NUP155: variants seen among roughly 807,000 people sequenced by gnomAD.
NUP155 encodes nuclear pore complex protein Nup155.
A neutral mutation model predicts 180.4 loss-of-function variants in NUP155; 71 were observed. That is an observed-to-expected ratio of 0.39 (90% CI 0.33 to 0.48). The LOEUF is 0.48. Ranked by LOEUF, NUP155 falls within the 20% of genes least tolerant of loss-of-function variation. The probability of loss-of-function intolerance (pLI) is 0.91; values close to 1 mark genes in which losing one functional copy is unlikely to be tolerated. For synonymous variants in NUP155, 582 were observed against 559.5 expected, an observed-to-expected ratio of 1.04 and a Z score of -0.57; for missense variants, 1,553 against 1,648.9, an observed-to-expected ratio of 0.94 and a Z score of 1.01.
chr5:37,310,554 T>C lies in NUP155; in HGVS notation c.2626A>G (p.Lys876Glu). The change falls in exon 23 of 35, where the codon AAG (lysine) becomes GAG (glutamate). Residue 876 changes from lysine to glutamate, a missense_variant and splice_region_variant. Physicochemically the swap from Lys to Glu is moderately conservative, Grantham distance 56. Transcript: ENST00000231498. The stretch of plus-strand genomic sequence containing the variant: ...AAATAGGTAATAAAGTATCATACCT[T>C]AGAACAAATTGCATCATCAGTGCTA... The part of the protein sequence containing the change: ...LYSTDDAICS[K>E]ANELLQRSRQ... The C allele has an allele frequency of 6.2e-7, 1 of 1,611,132 alleles. No homozygotes were observed. The highest frequency in any genetic ancestry group is 1.1e-5 in the South Asian group (1 of 90,976).
chr5:37,342,798 G>A (rs1745818221), intron 9 of NUP155, 152 bp from the exon 10 acceptor site: 3 of 615,212 alleles, frequency 4.9e-6, no homozygotes, highest in Admixed American at 2.4e-5. Context: ...GGAGAGTGGC[G>A]TGATCTCGGC....
intron 20 of NUP155, 27 bp downstream of exon 20, chr5:37,323,965 G>A (rs1231024166): frequency 7.1e-7 from 1 of 1,410,550 alleles, no homozygotes; most frequent in African/African-American, 1.4e-5. Flanking sequence ...AGAAAAAGAT[G>A]AATTAATAAA....
At chr5:37,336,003 C>T (rs1306249933) in intron 12 of NUP155, among the ~76,000 whole-genome samples, 2 of 151,938 alleles carry the variant, frequency 1.3e-5, no homozygotes, top group African/African-American at 4.8e-5. Flanking sequence ...TAATTTAACA[C>T]CTAACCAATA....
Position 37,365,752 on chromosome 5 carries a change from T to TATATATATAC in NUP155, c.158-1369_158-1368insGTATATATAT, listed in dbSNP as rs1403169370. 5.8e-4 allele frequency among the ~76,000 whole-genome samples: 22 copies of TATATATATAC among 37,894 alleles called. 1 individual carries two copies. Among genetic ancestry groups the TATATATATAC allele is most frequent in the East Asian group, 2.2e-3 (3 of 1,342 alleles). The allele number at this position is 37,894 out of a possible 152,430, so 24.9% of individuals were successfully genotyped here. A position where few individuals can be genotyped will look rare whatever the true frequency, so the allele number is the denominator to read the frequency against. On this transcript the variant is annotated intron_variant, in intron 1 of 34. Coordinates refer to ENST00000231498, the MANE Select transcript of NUP155 (RefSeq NM_153485.3). ...AAAAAAAAAAAAATATATATATATATACACACACACACACACACACACACA... is the reference window on the plus strand; with the variant it reads ...AAAAAAAAAAAAATATATATATATATATATATATACACACACACACACACACACACACACA...
chr5:37,365,492 G>C (rs1747501937), intron 1 of NUP155, among the ~76,000 whole-genome samples: 1 of 151,456 alleles, frequency 6.6e-6, no homozygotes, highest in South Asian at 2.1e-4. Flanking sequence ...CCGATCACAA[G>C]GTCAGGAGTT....
intron 26 of NUP155, 67 bp from the exon 27 acceptor site, chr5:37,304,910 G>T: frequency 2.0e-6 from 3 of 1,507,770 alleles, no homozygotes; most frequent in Non-Finnish European, 1.8e-6. Flanking sequence ...CAACCCTTTA[G>T]CCCTATAAAC....
Position 37,342,648 on chromosome 5 carries a change from TA to T in NUP155, c.996-3del. 1 of 1,574,204 alleles carries T rather than the reference TA, an allele frequency of 6.4e-7. No individual in the cohort carries two copies. Among genetic ancestry groups the T allele is most frequent in the Non-Finnish European group, 8.7e-7 (1 of 1,143,900 alleles). The stretch of plus-strand genomic sequence containing the variant: ...TTAAAAACAGAACGATCGATGGTCC[TA>T]AAAGAAAGGAGAAAATAAAGTGTAT... On this transcript the variant is annotated splice_region_variant and splice_polypyrimidine_tract_variant and intron_variant, in intron 9 of 34. Coordinates refer to ENST00000231498, the MANE Select transcript of NUP155 (RefSeq NM_153485.3).
At chr5:37,293,889 C>CTGGGGA (rs1362652213) in intron 33 of NUP155, among the ~76,000 whole-genome samples, 2 of 109,514 alleles carry the variant, frequency 1.8e-5, no homozygotes, top group East Asian at 4.2e-4. Flanking sequence ...GTCCCAGCTA[C>CTGGGGA]TGGGGAGGCT....
intron 3 of NUP155, 35 bp downstream of exon 3, chr5:37,363,853 A>G: frequency 1.5e-6 from 2 of 1,370,782 alleles, no homozygotes; most frequent in South Asian, 1.2e-5. Flanking sequence ...ATAAATTCCA[A>G]TCACCCTTAA....
chr5:37,351,385 T>C (rs761436007), intron 5 of NUP155, 29 bp from the exon 6 acceptor site: 1 of 1,486,790 alleles, frequency 6.7e-7, no homozygotes, highest in South Asian at 1.1e-5. Flanking sequence ...ATAAATCAGT[T>C]TATTAGCTAC....
chr5:37,351,354 A>G lies in NUP155; in HGVS notation c.559T>C (p.Ser187Pro), dbSNP rs1159641813. ...GLSYANLQTGSGVLNDSLSGG... is the reference protein window; with the variant it reads ...GLSYANLQTGPGVLNDSLSGG... ...GACAAACTATCATTAAGAACTCCAG[A>G]ACCTATTTAAGAAAGAATACATAAA... The change falls in exon 6 of 35, where the codon TCT becomes CCT. Residue 187 changes from serine to proline, a missense_variant and splice_region_variant. By Grantham distance (74) the Ser-to-Pro change is moderately conservative (BLOSUM62 -1). Coordinates refer to ENST00000231498, the MANE Select transcript of NUP155 (RefSeq NM_153485.3). 1 of 1,609,218 alleles carries G rather than the reference A, an allele frequency of 6.2e-7. No individual in the cohort carries two copies. The highest frequency in any genetic ancestry group is 1.3e-5 in the African/African-American group (1 of 74,800).
intron 19 of NUP155, among the ~76,000 whole-genome samples, chr5:37,325,411 T>C (rs1176960321): frequency 1.3e-5 from 2 of 152,118 alleles, no homozygotes; most frequent in African/African-American, 2.4e-5. Context: ...TTAATCAATG[T>C]TAGAGATGAG....
intron 7 of NUP155, among the ~76,000 whole-genome samples, chr5:37,349,928 C>T (rs142542753): frequency 7.2e-4 from 110 of 152,232 alleles, no homozygotes; most frequent in Middle Eastern, 3.4e-3. Flanking sequence ...CTGTTTTAGA[C>T]GCAAGTTCTT....
intron 28 of NUP155, 150 bp from the exon 29 acceptor site, chr5:37,303,058 AT>A: frequency 9.2e-7 from 1 of 1,090,004 alleles, no homozygotes; most frequent in Non-Finnish European, 1.3e-6. Context: ...AAAAAAATCT[AT>A]TTTAGATTTC....
At chr5:37,320,740 A>AC (rs1744192380) in intron 20 of NUP155, among the ~76,000 whole-genome samples, 1 of 152,244 alleles carries the variant, frequency 6.6e-6, no homozygotes, top group Admixed American at 6.5e-5. Context: ...CAATTAACAA[A>AC]AGACCATAAT....
intron 8 of NUP155, 89 bp downstream of exon 8, chr5:37,349,083 T>C: frequency 2.6e-6 from 1 of 380,456 alleles, no homozygotes; most frequent in Non-Finnish European, 4.8e-6. Context: ...GTTACACAGT[T>C]CATAGGAAAA....
rs1561818758 is a variant in NUP155 at position 37,365,738 on chromosome 5, A to AAATATATAT, written c.158-1355_158-1354insATATATATT. 1.9e-4 allele frequency among the ~76,000 whole-genome samples: 7 copies of AAATATATAT among 37,140 alleles called. No individual in the cohort carries two copies. The East Asian group carries it at 2.7e-3, about 14-fold the overall frequency. The allele number at this position is 37,140 out of a possible 152,430, so 24.4% of individuals were successfully genotyped here. A position where few individuals can be genotyped will look rare whatever the true frequency, so the allele number is the denominator to read the frequency against. On this transcript the variant is annotated intron_variant, in intron 1 of 34. Transcript: ENST00000231498. ...GAAAAAAAAAAAAAAAAAAAAAAAA[A>AAATATATAT]ATATATATATATATACACACACACA...
In NUP155 at chr5:37,289,361, TA is replaced by T. The variant is rs1490916978; in HGVS notation, c.*2538del. On this transcript the variant is annotated 3_prime_UTR_variant, in exon 35 of 35. Coordinates refer to ENST00000231498, the MANE Select transcript of NUP155 (RefSeq NM_153485.3). ...AACAAACACCAAGTACAAAGTATAC[TA>T]ATACAGTGGATAAATGCTACTCCAA... is the stretch of plus-strand genomic sequence containing the variant. 6.6e-6 allele frequency: 1 copy of T among 152,224 alleles called. No individual in the cohort carries two copies. 9.4% of individuals were successfully genotyped at this position (152,224 alleles called of 1,614,324 possible).
intron 15 of NUP155, 141 bp downstream of exon 15, chr5:37,329,897 C>T (rs1277759155): frequency 1.5e-6 from 1 of 665,812 alleles, no homozygotes; most frequent in Admixed American, 2.3e-5. Context: ...CTCCAGATTT[C>T]ACCCTTTTGC....
Sources: gnomAD v4.1 joint callset for allele counts (sites outside exome capture counted in the v4.1 genomes callset) on GRCh38, gnomAD v4.1.1 for gene constraint, MANE v1.5 for transcripts, NCBI Gene and HGNC (gene_info 2026-07-23, HGNC 2026-07-21) for gene names.